ATP6V1C1: variants seen among roughly 807,000 people sequenced by gnomAD.
The protein encoded by ATP6V1C1 is V-type proton ATPase subunit C 1.
Under a neutral mutation model 53.9 loss-of-function variants are expected in ATP6V1C1, and 45 were observed. The observed-to-expected ratio is 0.83, with a 90% CI of 0.66 to 1.07. The LOEUF is 1.07. Ranked by LOEUF, ATP6V1C1 falls within the 50% of genes least tolerant of loss-of-function variation. The pLI is 0.00. For missense variants in ATP6V1C1, 315 were observed against 440.3 expected, an observed-to-expected ratio of 0.72 and a Z score of 2.55; for synonymous variants, 153 against 155.2, an observed-to-expected ratio of 0.99 and a Z score of 0.11.
At chr8:103,032,296 T>C (rs890954559) in intron 1 of ATP6V1C1, among the ~76,000 whole-genome samples, 7 of 152,276 alleles carry the variant, frequency 4.6e-5, no homozygotes, top group African/African-American at 1.4e-4. Flanking sequence ...CGCATGGAAA[T>C]GCATCATGGA....
chr8:103,030,159 A>T (rs1255157331), intron 1 of ATP6V1C1, among the ~76,000 whole-genome samples: 3 of 150,510 alleles, frequency 2.0e-5, no homozygotes, highest in South Asian at 4.2e-4. Context: ...TTTTTTTTTT[A>T]AACAAAAATG....
Position 103,066,571 on chromosome 8 carries a change from G to T in ATP6V1C1, c.1053+124G>T, listed in dbSNP as rs554549387. On this transcript the variant is annotated intron_variant, in intron 12 of 12. Transcript: ENST00000518738. ...CTTAATCATTTTTTATTACTTTGAG[G>T]TTCTCAATTTGTTATGTAAACATAG... is the stretch of plus-strand genomic sequence containing the variant. 36 of 1,086,458 alleles carry T rather than the reference G, an allele frequency of 3.3e-5. No homozygotes were observed. In the African/African-American group the frequency reaches 4.3e-4, roughly 13 times the overall value. The allele number at this position is 1,086,458 out of a possible 1,614,324, so 67.3% of individuals were successfully genotyped here.
chr8:103,066,186 T>A, intron 11 of ATP6V1C1, 135 bp from the exon 12 acceptor site: 1 of 1,052,214 alleles, frequency 9.5e-7, no homozygotes, highest in Non-Finnish European at 1.3e-6. Context: ...ATATATTAGT[T>A]GAACTTGTAA....
At chr8:103,035,903 G>A (rs189670812) in intron 1 of ATP6V1C1, among the ~76,000 whole-genome samples, 87 of 152,238 alleles carry the variant, frequency 5.7e-4, no homozygotes, top group Admixed American at 1.1e-3. Flanking sequence ...TGGAGGAATC[G>A]TTGTTCCTTC....
At position 103,066,325 on chromosome 8, in the gene ATP6V1C1, G is replaced by A; in HGVS notation, c.931G>A (p.Gly311Ser). The change falls in exon 12 of 13, where the codon GGC (glycine) becomes AGC (serine). Residue 311 changes from glycine to serine, a missense_variant. Physicochemically the swap from Gly to Ser is moderately conservative, Grantham distance 56. Transcript: ENST00000518738. ...GTATTTCTGCTTTTTTGTAAGGTAT[G>A]GCTTGCCAGTGAACTTCCAAGCAAT... ...RVFVESVLRYGLPVNFQAMLL... is the reference protein window; with the variant it reads ...RVFVESVLRYSLPVNFQAMLL... The A allele has an allele frequency of 6.2e-7, 1 of 1,606,770 alleles. No individual in the cohort carries two copies. The highest frequency in any genetic ancestry group is 8.5e-7 in the Non-Finnish European group (1 of 1,178,016).
intron 1 of ATP6V1C1, among the ~76,000 whole-genome samples, chr8:103,027,932 A>G (rs1816727174): frequency 6.6e-6 from 1 of 152,116 alleles, no homozygotes; most frequent in Non-Finnish European, 1.5e-5. Flanking sequence ...CAGGGTCTAC[A>G]TTTTGTTTGT....
intron 3 of ATP6V1C1, 110 bp from the exon 4 acceptor site, chr8:103,048,760 A>G: frequency 1.1e-6 from 1 of 869,846 alleles, no homozygotes; most frequent in Non-Finnish European, 1.8e-6. Flanking sequence ...ATGGATAGGT[A>G]TAATGGGAAC....
intron 1 of ATP6V1C1, among the ~76,000 whole-genome samples, chr8:103,040,511 C>T (rs930784099): frequency 6.6e-6 from 1 of 151,978 alleles, no homozygotes; most frequent in Non-Finnish European, 1.5e-5. Context: ...TGGGTAATCT[C>T]ACTTCTTGGC....
intron 8 of ATP6V1C1, among the ~76,000 whole-genome samples, chr8:103,062,529 C>T (rs1361289570): frequency 6.6e-6 from 1 of 152,064 alleles, no homozygotes; most frequent in Non-Finnish European, 1.5e-5. Context: ...GTTTAAGGTA[C>T]TGGCAATGCA....
chr8:103,060,703 G>T (rs1308069678), intron 8 of ATP6V1C1, among the ~76,000 whole-genome samples: 1 of 152,116 alleles, frequency 6.6e-6, no homozygotes, highest in Non-Finnish European at 1.5e-5. Flanking sequence ...GGGGAAAGAG[G>T]GAAAGCAAGT....
intron 5 of ATP6V1C1, 27 bp from the exon 6 acceptor site, chr8:103,052,704 T>A (rs1358653201): frequency 5.4e-6 from 8 of 1,487,474 alleles, no homozygotes; most frequent in Non-Finnish European, 1.8e-6. Flanking sequence ...AAATTTTATC[T>A]ATTTTTCTTC....
intron 1 of ATP6V1C1, among the ~76,000 whole-genome samples, chr8:103,037,972 G>A (rs1469011687): frequency 6.6e-6 from 1 of 152,216 alleles, no homozygotes; most frequent in Non-Finnish European, 1.5e-5. Context: ...ACTTAAGTTG[G>A]TAGGGGCTTT....
chr8:103,054,608 C>G (rs890409803), intron 7 of ATP6V1C1, among the ~76,000 whole-genome samples: 1 of 152,052 alleles, frequency 6.6e-6, no homozygotes, highest in Non-Finnish European at 1.5e-5. Flanking sequence ...GACTAGATAA[C>G]CTTTGAAATC....
chr8:103,060,225 T>G (rs1307004551), intron 8 of ATP6V1C1, among the ~76,000 whole-genome samples: 1 of 152,160 alleles, frequency 6.6e-6, no homozygotes, highest in African/African-American at 2.4e-5. Context: ...TACCTTGGCC[T>G]CCCAAAGTGC....
At chr8:103,028,803 G>T (rs1441204842) in intron 1 of ATP6V1C1, among the ~76,000 whole-genome samples, 1 of 152,194 alleles carries the variant, frequency 6.6e-6, no homozygotes, top group African/African-American at 2.4e-5. Context: ...TTCCCAGTGA[G>T]GTAAAAGGGC....
At chr8:103,047,458 A>ACG (rs1817124051) in intron 3 of ATP6V1C1, among the ~76,000 whole-genome samples, 1 of 100,156 alleles carries the variant, frequency 1.0e-5, no homozygotes, top group African/African-American at 3.5e-5. Flanking sequence ...ACACACACAC[A>ACG]CACACATTTT....
At chr8:103,041,905 G>A (rs997216977) in intron 2 of ATP6V1C1, among the ~76,000 whole-genome samples, 4 of 152,078 alleles carry the variant, frequency 2.6e-5, no homozygotes, top group Non-Finnish European at 5.9e-5. Context: ...TAAAATGACC[G>A]ATTTTTAATA....
intron 8 of ATP6V1C1, among the ~76,000 whole-genome samples, chr8:103,060,098 G>A (rs1817370724): frequency 6.6e-6 from 1 of 151,558 alleles, no homozygotes; most frequent in South Asian, 2.1e-4. Context: ...TTCCCAAGTA[G>A]CTGGGATTAC....
rs1817563618 is a variant in ATP6V1C1 at position 103,070,245 on chromosome 8, G to A, written c.*1498G>A. 6.6e-6 allele frequency: 1 copy of A among 152,156 alleles called. No homozygotes were observed. Among genetic ancestry groups the A allele is most frequent in the African/African-American group, 2.4e-5 (1 of 41,428 alleles). The allele number at this position is 152,156 out of a possible 1,614,324, so 9.4% of individuals were successfully genotyped here. On this transcript the variant is annotated 3_prime_UTR_variant, in exon 13 of 13. Transcript: ENST00000518738. ...TGGATGGATAGTCTGCTTGTTTTTA[G>A]TTTTTGCTCTTAACAAACACTGCTG...
Sources: gnomAD v4.1 joint callset for allele counts (sites outside exome capture counted in the v4.1 genomes callset) on GRCh38, gnomAD v4.1.1 for gene constraint, MANE v1.5 for transcripts, NCBI Gene and HGNC (gene_info 2026-07-23, HGNC 2026-07-21) for gene names.